Variants in SNX18 observed in about 807,000 individuals in gnomAD.
SNX18 encodes sorting nexin-18.
Under a neutral mutation model 48.7 loss-of-function variants are expected in SNX18, and 35 were observed. The observed-to-expected ratio is 0.72, with a 90% CI of 0.55 to 0.95. The LOEUF (loss-of-function observed/expected upper bound fraction) is 0.95, where lower values mean the gene tolerates loss of function less well. SNX18 is among the 40% of genes least tolerant of loss of function. The pLI is 0.00. For missense variants in SNX18, 824 were observed against 871.0 expected, an observed-to-expected ratio of 0.95 and a Z score of 0.68; for synonymous variants, 492 against 384.7, an observed-to-expected ratio of 1.28 and a Z score of -3.26.
At chr5:54,523,027 A>G (rs555815510) in intron 1 of SNX18, among the ~76,000 whole-genome samples, 1 of 152,230 alleles carries the variant, frequency 6.6e-6, no homozygotes, top group Admixed American at 6.5e-5. Flanking sequence ...GGAATTCAGA[A>G]TCTATTGGAA....
chr5:54,616,566 A>G, the SNX18 span, among the ~76,000 whole-genome samples: 1 of 152,142 alleles, frequency 6.6e-6, no homozygotes, highest in Admixed American at 6.5e-5. Flanking sequence ...TGAGGTCAGG[A>G]GTTCGAGACT....
At chr5:54,535,653 G>A (rs1404836278) in intron 1 of SNX18, among the ~76,000 whole-genome samples, 1 of 152,142 alleles carries the variant, frequency 6.6e-6, no homozygotes. Context: ...ACGTGCCAGG[G>A]CTGGCAGGCA....
chr5:54,537,941 T>C (rs1762387997), intron 1 of SNX18, among the ~76,000 whole-genome samples: 1 of 152,232 alleles, frequency 6.6e-6, no homozygotes, highest in South Asian at 2.1e-4. Context: ...TGCAGTTGTT[T>C]CTTAGGCAGC....
chr5:54,586,679 C>G, the SNX18 span, among the ~76,000 whole-genome samples: 2 of 152,182 alleles, frequency 1.3e-5, no homozygotes, highest in Admixed American at 6.5e-5. Context: ...ATGGCCTAAT[C>G]ACTTCTTAAA....
At chr5:54,609,562 C>T in the SNX18 span, among the ~76,000 whole-genome samples, 7 of 152,030 alleles carry the variant, frequency 4.6e-5, no homozygotes, top group East Asian at 1.3e-3. Flanking sequence ...CAAGTGATCT[C>T]CCACCTCAGC....
chr5:54,543,502 C>G lies in SNX18; in HGVS notation c.*70C>G. ...TCTACAGCAGAATAAAAACTGCTGTCAAAGAGCTATTGCCAGCTATCAGTG... is the reference window on the plus strand; with the variant it reads ...TCTACAGCAGAATAAAAACTGCTGTGAAAGAGCTATTGCCAGCTATCAGTG... On this transcript the variant is annotated 3_prime_UTR_variant, in exon 2 of 2. Coordinates refer to ENST00000381410, the MANE Select transcript of SNX18 (RefSeq NM_001102575.2). The G allele has an allele frequency of 6.5e-7, 1 of 1,547,600 alleles. No homozygotes were observed. The highest frequency in any genetic ancestry group is 8.8e-7 in the Non-Finnish European group (1 of 1,140,814).
At chr5:54,605,913 C>T in the SNX18 span, among the ~76,000 whole-genome samples, 14 of 152,190 alleles carry the variant, frequency 9.2e-5, no homozygotes, top group African/African-American at 3.1e-4. Context: ...ATTCTCCTGC[C>T]TCTGCCTCCC....
chr5:54,631,987 C>G, the SNX18 span, among the ~76,000 whole-genome samples: 1 of 152,206 alleles, frequency 6.6e-6, no homozygotes. Flanking sequence ...ACTCCCACCC[C>G]CTGCACCTCT....
chr5:54,578,391 TC>T, the SNX18 span, among the ~76,000 whole-genome samples: 1 of 152,150 alleles, frequency 6.6e-6, no homozygotes, highest in Non-Finnish European at 1.5e-5. Flanking sequence ...CCAACTGTTT[TC>T]CCCCGTCCCC....
At chr5:54,631,539 T>G in the SNX18 span, among the ~76,000 whole-genome samples, 4 of 152,350 alleles carry the variant, frequency 2.6e-5, no homozygotes, top group African/African-American at 7.2e-5. Context: ...AAGCTGTTAT[T>G]CACGTGACTT....
chr5:54,615,926 C>T, the SNX18 span, among the ~76,000 whole-genome samples: 1 of 152,122 alleles, frequency 6.6e-6, no homozygotes, highest in Non-Finnish European at 1.5e-5. Context: ...GTTAAAAGAG[C>T]TTAGAGACTC....
the SNX18 span, among the ~76,000 whole-genome samples, chr5:54,635,994 T>A: frequency 2.0e-5 from 3 of 152,142 alleles, no homozygotes; most frequent in Non-Finnish European, 4.4e-5. Flanking sequence ...CTGCCTACCA[T>A]GGATGTGGGA....
At chr5:54,632,751 C>G in the SNX18 span, among the ~76,000 whole-genome samples, 2 of 152,108 alleles carry the variant, frequency 1.3e-5, no homozygotes, top group Non-Finnish European at 2.9e-5. Flanking sequence ...AACAATCCTT[C>G]TAAACCCAGG....
chr5:54,531,159 A>AACTC (rs1762248143), intron 1 of SNX18, among the ~76,000 whole-genome samples: 1 of 152,052 alleles, frequency 6.6e-6, no homozygotes, highest in South Asian at 2.1e-4. Context: ...TTGGGCAGAG[A>AACTC]TGAGGAGGCT....
chr5:54,646,342 C>T, the SNX18 span, among the ~76,000 whole-genome samples: 1 of 152,076 alleles, frequency 6.6e-6, no homozygotes, highest in South Asian at 2.1e-4. Flanking sequence ...TGAAACAGAC[C>T]AAAATATCCC....
At chr5:54,531,104 ACCCTGGCTCCCTGAGGC>A (rs1439970013) in intron 1 of SNX18, among the ~76,000 whole-genome samples, 1 of 152,010 alleles carries the variant, frequency 6.6e-6, no homozygotes, top group Non-Finnish European at 1.5e-5. Flanking sequence ...TCACTGGTGC[ACCCTGGCTCCCTGAGGC>A]AGGGCTTTTG....
Position 54,544,091 on chromosome 5 carries a change from T to A in SNX18, c.*659T>A, listed in dbSNP as rs1210009207. ...TCATCAATTTGCACAGCAAGTATTA[T>A]CTCCTGATAAGATGCTGGTGAATGC... is the stretch of plus-strand genomic sequence containing the variant. On this transcript the variant is annotated 3_prime_UTR_variant, in exon 2 of 2. Coordinates refer to ENST00000381410, the MANE Select transcript of SNX18 (RefSeq NM_001102575.2). 6.6e-6 allele frequency: 1 copy of A among 152,204 alleles called. No homozygotes were observed. The highest frequency in any genetic ancestry group is 2.4e-5 in the African/African-American group (1 of 41,422). The allele number at this position is 152,204 out of a possible 1,614,324, so 9.4% of individuals were successfully genotyped here.
At chr5:54,523,321 A>G (rs931728536) in intron 1 of SNX18, among the ~76,000 whole-genome samples, 5 of 152,218 alleles carry the variant, frequency 3.3e-5, no homozygotes, top group Non-Finnish European at 7.3e-5. Flanking sequence ...TTCCAAAGAT[A>G]TGATCAATCT....
chr5:54,604,181 T>C, the SNX18 span, among the ~76,000 whole-genome samples: 33 of 152,276 alleles, frequency 2.2e-4, 1 homozygote, highest in African/African-American at 7.2e-4. Flanking sequence ...AAGTTAAACA[T>C]AGAATTACCT....
Sources: gnomAD v4.1 joint callset for allele counts (sites outside exome capture counted in the v4.1 genomes callset) on GRCh38, gnomAD v4.1.1 for gene constraint, MANE v1.5 for transcripts, NCBI Gene and HGNC (gene_info 2026-07-23, HGNC 2026-07-21) for gene names.